SLC12A8: variants seen among roughly 807,000 people sequenced by gnomAD.
The protein encoded by SLC12A8 is solute carrier family 12 member 8.
Under a neutral mutation model 75.6 loss-of-function variants are expected in SLC12A8, and 69 were observed. The ratio of observed to expected loss-of-function variants is 0.91; its 90% CI spans 0.75 to 1.11. The LOEUF is 1.11. Among genes scored for constraint, SLC12A8 ranks in the 50% most tolerant of loss-of-function variants. SLC12A8 has a pLI of 0.00. For missense variants in SLC12A8, 877 were observed against 896.7 expected, an observed-to-expected ratio of 0.98 and a Z score of 0.28; for synonymous variants, 365 against 372.8, an observed-to-expected ratio of 0.98 and a Z score of 0.24.
intron 11 of SLC12A8, 48 bp downstream of exon 11, chr3:125,092,053 C>A (rs575441285): frequency 7.2e-7 from 1 of 1,381,886 alleles, no homozygotes; most frequent in Admixed American, 1.7e-5. Flanking sequence ...CATGTGTCCA[C>A]CTGAACTCTG....
intron 2 of SLC12A8, among the ~76,000 whole-genome samples, chr3:125,202,629 TG>T (rs1304136807): frequency 3.4e-5 from 4 of 118,930 alleles, no homozygotes; most frequent in African/African-American, 1.2e-4. Flanking sequence ...GTATTAACCA[TG>T]TTTTTTTTTT....
chr3:125,167,953 T>G (rs77345457), intron 5 of SLC12A8, among the ~76,000 whole-genome samples: 8,608 of 152,322 alleles, frequency 0.057, 336 homozygotes, highest in African/African-American at 0.1. Context: ...TTTTGTCCAA[T>G]AGCAATAGAA....
chr3:125,118,740 G>A (rs1932965369), intron 8 of SLC12A8, 29 bp downstream of exon 8: 1 of 1,559,912 alleles, frequency 6.4e-7, no homozygotes, highest in South Asian at 1.1e-5. Flanking sequence ...GGCAGACTGA[G>A]CCCTTGGAGT....
At chr3:125,163,926 C>A (rs147926015) in intron 5 of SLC12A8, among the ~76,000 whole-genome samples, 237 of 152,326 alleles carry the variant, frequency 1.6e-3, no homozygotes, top group African/African-American at 5.4e-3. Flanking sequence ...CCTGGCCGGA[C>A]ACCATTCCCT....
intron 2 of SLC12A8, among the ~76,000 whole-genome samples, chr3:125,193,073 A>C (rs902321550): frequency 3.9e-5 from 6 of 152,234 alleles, no homozygotes; most frequent in Non-Finnish European, 8.8e-5. Context: ...ATCCATGTAG[A>C]AATAGCAGCT....
chr3:125,138,718 A>T (rs2107762917), intron 5 of SLC12A8, among the ~76,000 whole-genome samples: 1 of 152,094 alleles, frequency 6.6e-6, no homozygotes, highest in African/African-American at 2.4e-5. Flanking sequence ...TCCACATTTA[A>T]GTTAAAGGGC....
chr3:125,119,869 A>C (rs771487617), intron 7 of SLC12A8: 1 of 456,602 alleles, frequency 2.2e-6, no homozygotes, highest in African/African-American at 2.0e-5. Context: ...CACCTACCCA[A>C]TGAAGGGCAG....
chr3:125,175,519 C>A (rs1045912446), intron 5 of SLC12A8, among the ~76,000 whole-genome samples: 2 of 152,166 alleles, frequency 1.3e-5, no homozygotes, highest in African/African-American at 4.8e-5. Flanking sequence ...CCAAGAACTT[C>A]TAATCAAGAA....
At chr3:125,124,189 T>C (rs1023629070) in intron 6 of SLC12A8, among the ~76,000 whole-genome samples, 1 of 152,120 alleles carries the variant, frequency 6.6e-6, no homozygotes, top group Non-Finnish European at 1.5e-5. Flanking sequence ...AAGTAGATTA[T>C]ATCACAGACA....
intron 6 of SLC12A8, 101 bp from the exon 7 acceptor site, chr3:125,120,787 C>G: frequency 1.2e-6 from 1 of 866,412 alleles, no homozygotes. Context: ...CTCCTGGAAG[C>G]TGTCCCACCG....
chr3:125,174,584 T>A (rs1024747305), intron 5 of SLC12A8, among the ~76,000 whole-genome samples: 2 of 152,260 alleles, frequency 1.3e-5, no homozygotes, highest in Admixed American at 1.3e-4. Context: ...AACCAAGATG[T>A]CCTTCAGTAG....
chr3:125,094,991 C>T (rs1938678381), intron 10 of SLC12A8, among the ~76,000 whole-genome samples: 1 of 152,204 alleles, frequency 6.6e-6, no homozygotes, highest in East Asian at 1.9e-4. Context: ...TGCCCACTCT[C>T]TCAGTCTTCT....
At chr3:125,204,806 A>G (rs1322242286) in intron 2 of SLC12A8, among the ~76,000 whole-genome samples, 7 of 152,212 alleles carry the variant, frequency 4.6e-5, no homozygotes, top group Admixed American at 2.6e-4. Context: ...ATCATTACAC[A>G]TTGTATATAT....
chr3:125,184,016 A>T (rs1934721246), intron 4 of SLC12A8, among the ~76,000 whole-genome samples: 4 of 152,190 alleles, frequency 2.6e-5, no homozygotes, highest in African/African-American at 7.2e-5. Context: ...TCTGTCACCC[A>T]GGCTGGAGTG....
chr3:125,084,007 C>T lies in SLC12A8; in HGVS notation c.2028G>A (p.Leu676=), dbSNP rs745620565. ...PQEQIILAPS[L]AKVDMEMTQL... ...GAGTCATCTCCATGTCAACCTTAGCCAGGGACGGCGCCAAGATGATCTGCT... is the reference window on the plus strand; with the variant it reads ...GAGTCATCTCCATGTCAACCTTAGCTAGGGACGGCGCCAAGATGATCTGCT... The change falls in exon 14 of 14, where the codon CTG becomes CTA. Residue 676 remains leucine (L), a synonymous_variant. Transcript: ENST00000469902. The T allele has an allele frequency of 1.2e-6, 2 of 1,613,288 alleles. No individual in the cohort carries two copies. Among genetic ancestry groups the T allele is most frequent in the Admixed American group, 1.7e-5 (1 of 59,908 alleles).
At chr3:125,170,067 A>G (rs1022420625) in intron 5 of SLC12A8, among the ~76,000 whole-genome samples, 9 of 152,274 alleles carry the variant, frequency 5.9e-5, no homozygotes, top group African/African-American at 2.2e-4. Flanking sequence ...TAATGATTCA[A>G]GAAAAGCAAA....
chr3:125,119,932 T>C (rs1265438044), intron 7 of SLC12A8: 1 of 456,554 alleles, frequency 2.2e-6, no homozygotes, highest in Admixed American at 2.3e-5. Flanking sequence ...AGGTCAGAAA[T>C]AGACCCAAGG....
chr3:125,166,681 T>G (rs1934297975), intron 5 of SLC12A8, among the ~76,000 whole-genome samples: 2 of 152,216 alleles, frequency 1.3e-5, no homozygotes, highest in Non-Finnish European at 2.9e-5. Flanking sequence ...GTAACTCTTC[T>G]GTGTCTCCCT....
intron 4 of SLC12A8, among the ~76,000 whole-genome samples, chr3:125,182,510 T>A (rs1934686650): frequency 1.4e-5 from 2 of 142,968 alleles, no homozygotes; most frequent in African/African-American, 5.4e-5. Flanking sequence ...TTGTCCCCAT[T>A]TTTTTTTTTT....
Sources: allele counts gnomAD v4.1 joint callset (sites outside exome capture counted in the v4.1 genomes callset), GRCh38; gene constraint gnomAD v4.1.1; transcripts MANE v1.5; gene names NCBI Gene and HGNC (gene_info 2026-07-23, HGNC 2026-07-21).